RAB3C: variants seen among roughly 807,000 people sequenced by gnomAD.
The protein encoded by RAB3C is ras-related protein Rab-3C.
A neutral mutation model predicts 26.4 loss-of-function variants in RAB3C; 17 were observed. The observed-to-expected ratio is 0.64, with a 90% CI of 0.44 to 0.97. The LOEUF (loss-of-function observed/expected upper bound fraction) is 0.97. RAB3C is among the 50% of genes least tolerant of loss of function. The pLI, the probability that RAB3C is intolerant of heterozygous loss-of-function variation, is 0.00. For synonymous variants in RAB3C, 91 were observed against 95.9 expected (o/e 0.95, Z 0.30); for missense variants, 242 against 281.9 (o/e 0.86, Z 1.01).
intron 3 of RAB3C, among the ~76,000 whole-genome samples, chr5:58,818,988 T>C (rs1475112044): frequency 2.0e-5 from 3 of 152,144 alleles, no homozygotes; most frequent in Non-Finnish European, 2.9e-5. Context: ...CCTGGAGATA[T>C]GGAATGGAAA....
intron 4 of RAB3C, among the ~76,000 whole-genome samples, chr5:58,844,590 G>A (rs1033901341): frequency 6.6e-6 from 1 of 152,120 alleles, no homozygotes; most frequent in African/African-American, 2.4e-5. Flanking sequence ...TCACCCACCC[G>A]GTAGCAGAAT....
chr5:58,595,396 A>G (rs1746225290), intron 1 of RAB3C, among the ~76,000 whole-genome samples: 1 of 152,144 alleles, frequency 6.6e-6, no homozygotes, highest in Non-Finnish European at 1.5e-5. Flanking sequence ...GCTGAGCTAT[A>G]TCACCAAGAA....
chr5:58,835,351 G>C (rs922810568), intron 4 of RAB3C, among the ~76,000 whole-genome samples: 4 of 152,008 alleles, frequency 2.6e-5, no homozygotes, highest in Non-Finnish European at 4.4e-5. Context: ...ACCAACCTTT[G>C]ACCCCTGAGT....
chr5:58,793,440 C>G (rs2112017024), intron 3 of RAB3C, among the ~76,000 whole-genome samples: 1 of 151,796 alleles, frequency 6.6e-6, no homozygotes, highest in Middle Eastern at 3.4e-3. Context: ...GCCTGTAGTC[C>G]CAGCTACTCA....
At chr5:58,846,921 T>C (rs1346745667) in intron 4 of RAB3C, 2 of 152,060 alleles carry the variant, frequency 1.3e-5, no homozygotes, top group African/African-American at 2.4e-5. Flanking sequence ...TAACATCAGG[T>C]GAACCTGAAG....
intron 2 of RAB3C, among the ~76,000 whole-genome samples, chr5:58,693,688 A>C (rs886669781): frequency 1.3e-5 from 2 of 152,172 alleles, no homozygotes; most frequent in African/African-American, 4.8e-5. Flanking sequence ...TTAAACTCTA[A>C]GCCCTTGAGT....
intron 2 of RAB3C, among the ~76,000 whole-genome samples, chr5:58,672,100 G>A (rs1191331710): frequency 6.6e-6 from 1 of 152,142 alleles, no homozygotes; most frequent in African/African-American, 2.4e-5. Context: ...GCTTTCAAGA[G>A]GGGTTACTAA....
At chr5:58,704,232 G>A (rs753992130) in intron 2 of RAB3C, among the ~76,000 whole-genome samples, 14 of 152,046 alleles carry the variant, frequency 9.2e-5, no homozygotes, top group South Asian at 2.1e-4. Flanking sequence ...TTATAAAAAC[G>A]CATTTTGGTG....
intron 3 of RAB3C, among the ~76,000 whole-genome samples, chr5:58,772,580 T>C (rs917012900): frequency 2.0e-5 from 3 of 152,134 alleles, no homozygotes; most frequent in African/African-American, 7.2e-5. Flanking sequence ...ATCTTTTCAT[T>C]GTCATGAGAA....
Position 58,699,876 on chromosome 5 carries a change from T to C in RAB3C, c.253-26126T>C, listed in dbSNP as rs186305234. Reference sequence around the variant, plus strand: ...TTTTTCCAAGTAGTTTGTCACTGCTTCCCTTGGCTAGGAAAGGGAAATCCC... The same window carrying C: ...TTTTTCCAAGTAGTTTGTCACTGCTCCCCTTGGCTAGGAAAGGGAAATCCC... On this transcript the variant is annotated intron_variant, in intron 2 of 4. Coordinates refer to ENST00000282878, the MANE Select transcript of RAB3C (RefSeq NM_138453.4). Among the ~76,000 whole-genome samples, 272 of 152,288 alleles carry C rather than the reference T, an allele frequency of 1.8e-3. 1 individual carries two copies. The highest frequency in any genetic ancestry group is 5.4e-3 in the Admixed American group (82 of 15,300).
intron 1 of RAB3C, among the ~76,000 whole-genome samples, chr5:58,594,634 A>G (rs62367847): frequency 0.016 from 2,388 of 152,230 alleles, 135 homozygotes; most frequent in Admixed American, 0.11. Flanking sequence ...TGCATGGACA[A>G]CAAGGTGCTT....
intron 2 of RAB3C, among the ~76,000 whole-genome samples, chr5:58,685,120 T>G (rs1453068882): frequency 6.6e-6 from 1 of 152,158 alleles, no homozygotes; most frequent in Non-Finnish European, 1.5e-5. Flanking sequence ...TACAGATACA[T>G]GCTAATCCCT....
chr5:58,589,695 G>A (rs749390614), intron 1 of RAB3C, among the ~76,000 whole-genome samples: 8 of 152,080 alleles, frequency 5.3e-5, no homozygotes, highest in Admixed American at 1.3e-4. Context: ...ACCCTGTAAC[G>A]TGTGAATAGG....
chr5:58,828,798 T>A (rs925762880), intron 4 of RAB3C, among the ~76,000 whole-genome samples: 5 of 152,134 alleles, frequency 3.3e-5, no homozygotes, highest in African/African-American at 1.2e-4. Flanking sequence ...ACGACTAAAT[T>A]TCCAGAACAC....
chr5:58,782,238 C>T (rs1054219552), intron 3 of RAB3C, among the ~76,000 whole-genome samples: 2 of 152,056 alleles, frequency 1.3e-5, no homozygotes, highest in Non-Finnish European at 2.9e-5. Context: ...GTTAAGCAGG[C>T]GAGGCTTGGA....
intron 3 of RAB3C, among the ~76,000 whole-genome samples, chr5:58,776,257 T>A (rs1321932112): frequency 2.0e-5 from 3 of 151,932 alleles, no homozygotes; most frequent in African/African-American, 7.3e-5. Context: ...TAAATTGGAT[T>A]TTTCCTCCAC....
chr5:58,656,986 A>G (rs114971878), intron 2 of RAB3C, among the ~76,000 whole-genome samples: 7 of 151,790 alleles, frequency 4.6e-5, no homozygotes, highest in Admixed American at 2.0e-4. Context: ...AACCAACTCA[A>G]ATGCCCATCA....
At chr5:58,621,506 G>T (rs1232567566) in intron 2 of RAB3C, among the ~76,000 whole-genome samples, 1 of 152,160 alleles carries the variant, frequency 6.6e-6, no homozygotes. Context: ...TCTCAACCTG[G>T]TTGTCAGTGG....
chr5:58,689,135 G>A (rs1456716510), intron 2 of RAB3C: 1 of 152,048 alleles, frequency 6.6e-6, no homozygotes, highest in Non-Finnish European at 1.5e-5. Flanking sequence ...ACTTTTCACA[G>A]GTAGCATGGC....
Sources: gnomAD v4.1 joint callset for allele counts (sites outside exome capture counted in the v4.1 genomes callset) on GRCh38, gnomAD v4.1.1 for gene constraint, MANE v1.5 for transcripts, NCBI Gene and HGNC (gene_info 2026-07-23, HGNC 2026-07-21) for gene names.